STAG1: variants seen among roughly 807,000 people sequenced by gnomAD.
STAG1 encodes the protein cohesin subunit SA-1.
In STAG1, 26 loss-of-function variants were observed where a neutral mutation model predicts 170.9. The observed-to-expected ratio is 0.15, with a 90% CI of 0.11 to 0.21. The LOEUF is 0.21. Ranked by LOEUF, STAG1 falls within the 10% of genes least tolerant of loss-of-function variation. The probability of loss-of-function intolerance (pLI) is 1.00; values close to 1 mark genes in which losing one functional copy is unlikely to be tolerated. For synonymous variants in STAG1, 514 were observed against 497.7 expected (o/e 1.03, Z -0.44); for missense variants, 964 against 1,509.5 (o/e 0.64, Z 5.99).
intron 21 of STAG1, among the ~76,000 whole-genome samples, chr3:136,402,830 GA>G (rs1177716822): frequency 1.3e-5 from 2 of 149,554 alleles, no homozygotes; most frequent in East Asian, 2.0e-4. Context: ...GTCTAAAAAA[GA>G]AAAAAAAATA....
At chr3:136,450,387 T>C (rs1339777904) in intron 14 of STAG1, among the ~76,000 whole-genome samples, 1 of 152,194 alleles carries the variant, frequency 6.6e-6, no homozygotes. Context: ...AAACACATTC[T>C]TTACTCAAAT....
intron 29 of STAG1, among the ~76,000 whole-genome samples, chr3:136,346,919 T>C (rs1270494692): frequency 6.6e-6 from 1 of 151,644 alleles, no homozygotes; most frequent in Non-Finnish European, 1.5e-5. Context: ...GGCAACAAGG[T>C]GAAACCCTGT....
intron 1 of STAG1, among the ~76,000 whole-genome samples, chr3:136,706,838 A>T (rs369038002): frequency 5.3e-5 from 8 of 152,218 alleles, no homozygotes; most frequent in African/African-American, 1.4e-4. Flanking sequence ...GAGTCAAAAC[A>T]GTGTGGTATT....
At chr3:136,622,684 A>C (rs1013942566) in intron 3 of STAG1, among the ~76,000 whole-genome samples, 5 of 152,224 alleles carry the variant, frequency 3.3e-5, no homozygotes, top group Admixed American at 6.5e-5. Flanking sequence ...ATGCATGCTT[A>C]AATTATGACT....
chr3:136,708,133 T>C (rs1468406134), intron 1 of STAG1, among the ~76,000 whole-genome samples: 1 of 152,108 alleles, frequency 6.6e-6, no homozygotes, highest in Non-Finnish European at 1.5e-5. Flanking sequence ...ATCCAGAAAT[T>C]CCACTTCTAG....
intron 4 of STAG1, among the ~76,000 whole-genome samples, chr3:136,597,507 T>C (rs141988255): frequency 6.6e-6 from 1 of 152,258 alleles, no homozygotes; most frequent in Non-Finnish European, 1.5e-5. Context: ...GTTTTTAAAA[T>C]AGTAGTTTAT....
At position 136,474,527 on chromosome 3, in the gene STAG1, T is replaced by C. The variant is rs546208822; in HGVS notation, c.1027-890A>G. Among the ~76,000 whole-genome samples, 32 of 152,330 alleles carry C rather than the reference T, an allele frequency of 2.1e-4. No individual in the cohort carries two copies. The South Asian group carries it at 6.6e-3, about 32-fold the overall frequency. ...GAATAGGGTTCTGATTTGTTCTCTT[T>C]GCAGATTTATTTAATGTAAATAGTG... On this transcript the variant is annotated intron_variant, in intron 10 of 33. Transcript: ENST00000383202.
intron 23 of STAG1, among the ~76,000 whole-genome samples, chr3:136,369,790 T>C (rs781559628): frequency 6.6e-6 from 1 of 152,202 alleles, no homozygotes; most frequent in Non-Finnish European, 1.5e-5. Flanking sequence ...TGCACAGTGA[T>C]GTTTCCGTCA....
rs1001596552 is a variant in STAG1, at chr3:136,623,314, T to A, written c.30-66A>T. 3.8e-5 allele frequency: 54 copies of A among 1,435,470 alleles called. No homozygotes were observed. In the Middle Eastern group the frequency reaches 5.5e-4, roughly 15 times the overall value. 88.9% of individuals were successfully genotyped at this position (1,435,470 alleles called of 1,614,324 possible). A position where few individuals can be genotyped will look rare whatever the true frequency, so the allele number is the denominator to read the frequency against. On this transcript the variant is annotated intron_variant, in intron 2 of 33. Transcript: ENST00000383202. Reference sequence around the variant, plus strand: ...TATAATGCATTTCTGTTTCACTACTTTCCTTACCACCTGCTATATGGCTGA... The same window carrying A: ...TATAATGCATTTCTGTTTCACTACTATCCTTACCACCTGCTATATGGCTGA...
At chr3:136,362,976 A>G (rs992471905) in intron 26 of STAG1, among the ~76,000 whole-genome samples, 2 of 152,102 alleles carry the variant, frequency 1.3e-5, no homozygotes, top group African/African-American at 2.4e-5. Context: ...CCCTGAAATC[A>G]TTTTAAATTA....
At chr3:136,558,474 C>A (rs1419990112) in intron 5 of STAG1, among the ~76,000 whole-genome samples, 1 of 152,176 alleles carries the variant, frequency 6.6e-6, no homozygotes, top group Non-Finnish European at 1.5e-5. Context: ...GAAGACTTTA[C>A]ACAGTTCATG....
At chr3:136,743,381 T>A (rs7648531) in intron 1 of STAG1, among the ~76,000 whole-genome samples, 96,075 of 149,612 alleles carry the variant, frequency 0.64, 32,872 homozygotes, top group African/African-American at 0.87. Context: ...AAAAAAAAAA[T>A]AATAATAACA....
At chr3:136,397,280 A>G (rs1202528421) in intron 22 of STAG1, among the ~76,000 whole-genome samples, 3 of 152,042 alleles carry the variant, frequency 2.0e-5, no homozygotes, top group Admixed American at 6.6e-5. Flanking sequence ...GATTCTCTTC[A>G]TGGTTGTTTT....
intron 1 of STAG1, among the ~76,000 whole-genome samples, chr3:136,653,257 A>C (rs940320304): frequency 2.0e-5 from 3 of 151,898 alleles, no homozygotes; most frequent in Admixed American, 6.6e-5. Flanking sequence ...GGGCAACAAG[A>C]GCAAAACTCC....
intron 1 of STAG1, among the ~76,000 whole-genome samples, chr3:136,687,873 A>G (rs978658954): frequency 6.6e-6 from 1 of 151,736 alleles, no homozygotes; most frequent in African/African-American, 2.4e-5. Flanking sequence ...AGTAGCTGGG[A>G]CTACCAACGT....
intron 26 of STAG1, among the ~76,000 whole-genome samples, chr3:136,360,253 CTATG>C (rs1241049359): frequency 6.6e-6 from 1 of 152,112 alleles, no homozygotes; most frequent in Non-Finnish European, 1.5e-5. Context: ...CCATTCCCTC[CTATG>C]TATTAGATAA....
intron 1 of STAG1, among the ~76,000 whole-genome samples, chr3:136,693,882 A>T (rs1486049567): frequency 6.6e-6 from 1 of 151,928 alleles, no homozygotes; most frequent in African/African-American, 2.4e-5. Flanking sequence ...CTTTGCTGAT[A>T]TTTTTTTAGA....
intron 7 of STAG1, among the ~76,000 whole-genome samples, chr3:136,516,901 A>T: frequency 6.6e-6 from 1 of 152,198 alleles, no homozygotes; most frequent in East Asian, 1.9e-4. Context: ...TCAGACAGGC[A>T]CGCCAGAACC....
chr3:136,379,813 T>A (rs1030336213), intron 22 of STAG1, among the ~76,000 whole-genome samples: 7 of 152,132 alleles, frequency 4.6e-5, no homozygotes, highest in African/African-American at 1.7e-4. Context: ...TAAAGAAGAA[T>A]AAAACCATTT....
Sources: allele counts gnomAD v4.1 joint callset (sites outside exome capture counted in the v4.1 genomes callset), GRCh38; gene constraint gnomAD v4.1.1; transcripts MANE v1.5; gene names NCBI Gene and HGNC (gene_info 2026-07-23, HGNC 2026-07-21).